DDI2: variants seen among roughly 807,000 people sequenced by gnomAD.
DDI2 encodes DDI proteasomal shuttling factor 2, also known as protein DDI1 homolog 2.
A neutral mutation model predicts 48.1 loss-of-function variants in DDI2; 5 were observed. The ratio of observed to expected loss-of-function variants is 0.10; its 90% confidence interval spans 0.05 to 0.22. DDI2 has a LOEUF of 0.22. Among genes scored for constraint, DDI2 ranks in the 10% least tolerant of loss-of-function variants. The pLI is 1.00. For missense variants in DDI2, 285 were observed against 506.2 expected, an observed-to-expected ratio of 0.56 and a Z score of 4.19; for synonymous variants, 205 against 183.6, an observed-to-expected ratio of 1.12 and a Z score of -0.94.
intron 6 of DDI2, among the ~76,000 whole-genome samples, chr1:15,647,619 A>G (rs1287222493): frequency 2.6e-5 from 4 of 152,140 alleles, no homozygotes; most frequent in Non-Finnish European, 5.9e-5. Flanking sequence ...CTGAATGAAT[A>G]TTCATCTTAG....
chr1:15,643,223 C>T (rs951028655), intron 5 of DDI2, among the ~76,000 whole-genome samples: 4 of 152,240 alleles, frequency 2.6e-5, no homozygotes, highest in African/African-American at 9.6e-5. Context: ...GCATTGCCAT[C>T]TGTAGACGCA....
At position 15,655,503 on chromosome 1, in the gene DDI2, A is replaced by G. The variant is rs568866803; in HGVS notation, c.1184-1114A>G. On this transcript the variant is annotated intron_variant, in intron 8 of 9. Coordinates refer to ENST00000480945, the MANE Select transcript of DDI2 (RefSeq NM_032341.5). ...GCAGTGACTCACGCCTGTAATCCCA[A>G]CACTTTGGGAGGCTGAGGAAGGGTG... 6.6e-5 allele frequency among the ~76,000 whole-genome samples: 10 copies of G among 151,912 alleles called. No individual in the cohort carries two copies. In the East Asian group the frequency reaches 1.9e-3, roughly 29 times the overall value.
intron 6 of DDI2, among the ~76,000 whole-genome samples, chr1:15,644,883 G>A (rs567047333): frequency 2.0e-5 from 3 of 149,660 alleles, no homozygotes; most frequent in African/African-American, 7.4e-5. Flanking sequence ...GTGAGCCACC[G>A]CTCCCGGCCT....
At chr1:15,645,105 ATC>A (rs1462238483) in intron 6 of DDI2, among the ~76,000 whole-genome samples, 3 of 151,140 alleles carry the variant, frequency 2.0e-5, no homozygotes, top group African/African-American at 7.3e-5. Flanking sequence ...GGCCAGGATG[ATC>A]TCTCTCAAAT....
At position 15,617,682 on chromosome 1, in the gene DDI2, C is replaced by T. The variant is rs1194959288; in HGVS notation, c.12C>T (p.Thr4=). The T allele has an allele frequency of 5.0e-6, 8 of 1,599,016 alleles. No individual in the cohort carries two copies. Among genetic ancestry groups the T allele is most frequent in the South Asian group, 4.5e-5 (4 of 89,302 alleles). The change falls in exon 1 of 10, where the codon ACC becomes ACT. Residue 4 remains threonine (T), a synonymous_variant. Transcript: ENST00000480945. ...GTCGGGCCCGGGCCATGCTGCTCAC[C>T]GTGTACTGTGTGCGGAGGGACCTCT... The part of the protein sequence containing the change: MLL[T]VYCVRRDLSE...
At chr1:15,642,414 T>C (rs113221555) in intron 5 of DDI2, among the ~76,000 whole-genome samples, 217 of 152,318 alleles carry the variant, frequency 1.4e-3, no homozygotes, top group South Asian at 0.01. Flanking sequence ...TAGTAGACTA[T>C]AGTGTCCCAG....
chr1:15,653,467 A>G (rs1320376294), intron 8 of DDI2, among the ~76,000 whole-genome samples: 2 of 151,962 alleles, frequency 1.3e-5, no homozygotes, highest in Non-Finnish European at 2.9e-5. Context: ...GAAAAGTATC[A>G]TTGCTACTGT....
chr1:15,640,136 T>C (rs1639985021), intron 5 of DDI2, among the ~76,000 whole-genome samples: 1 of 152,154 alleles, frequency 6.6e-6, no homozygotes, highest in African/African-American at 2.4e-5. Context: ...TGCTGAGTGC[T>C]TGGTGATAAG....
intron 6 of DDI2, among the ~76,000 whole-genome samples, chr1:15,647,779 T>C (rs1640113741): frequency 1.3e-5 from 2 of 152,130 alleles, no homozygotes; most frequent in Admixed American, 1.3e-4. Flanking sequence ...CTGGGGGCCA[T>C]AGCGAAACCA....
Position 15,661,197 on chromosome 1 carries a change from T to C in DDI2, c.*1407T>C, listed in dbSNP as rs2148308689. 6.2e-7 allele frequency: 1 copy of C among 1,614,100 alleles called. No homozygotes were observed. The highest frequency in any genetic ancestry group is 8.5e-7 in the Non-Finnish European group (1 of 1,180,016). On this transcript the variant is annotated 3_prime_UTR_variant, in exon 10 of 10. Transcript: ENST00000480945. ...ACACTGGAAGAGAAGCTGTAGAAAA[T>C]GTAAACTTCAGGAGTCTAGGTGATG...
At chr1:15,625,978 T>C (rs571171151) in intron 1 of DDI2, among the ~76,000 whole-genome samples, 40 of 152,340 alleles carry the variant, frequency 2.6e-4, no homozygotes, top group Non-Finnish European at 5.6e-4. Flanking sequence ...GGAAGGATGA[T>C]ATTTGGGACC....
chr1:15,659,829 C>T lies in DDI2; in HGVS notation c.*47-8C>T, dbSNP rs1463887341. ...TAATCTTTTTCCTTTCCCCTGTGTT[C>T]CATATAGAGAAAAGTGGTAAAGAAT... On this transcript the variant is annotated splice_polypyrimidine_tract_variant and splice_region_variant and intron_variant, in intron 9 of 9. Coordinates refer to ENST00000480945, the MANE Select transcript of DDI2 (RefSeq NM_032341.5). The T allele has an allele frequency of 6.6e-7, 1 of 1,519,442 alleles. No homozygotes were observed. Among genetic ancestry groups the T allele is most frequent in the Non-Finnish European group, 8.8e-7 (1 of 1,140,990 alleles). 94.1% of individuals were successfully genotyped at this position (1,519,442 alleles called of 1,614,324 possible).
At chr1:15,646,403 A>G (rs1640091310) in intron 6 of DDI2, among the ~76,000 whole-genome samples, 1 of 152,028 alleles carries the variant, frequency 6.6e-6, no homozygotes, top group Admixed American at 6.6e-5. Context: ...TGTATGCCTT[A>G]GGGCTGGGCA....
In DDI2 at chr1:15,661,652, A is replaced by T; in HGVS notation, c.*1862A>T. The T allele has an allele frequency of 6.2e-7, 1 of 1,614,166 alleles. No homozygotes were observed. Among genetic ancestry groups the T allele is most frequent in the Non-Finnish European group, 8.5e-7 (1 of 1,180,034 alleles). ...TTGCAGGAAGCTCTTGGAGCTTTGC[A>T]TCGAGTTGGTGGGAATGCAGACCTT... On this transcript the variant is annotated 3_prime_UTR_variant, in exon 10 of 10. Coordinates refer to ENST00000480945, the MANE Select transcript of DDI2 (RefSeq NM_032341.5).
At chr1:15,623,987 G>A (rs989610632) in intron 1 of DDI2, among the ~76,000 whole-genome samples, 3 of 152,024 alleles carry the variant, frequency 2.0e-5, no homozygotes, top group Admixed American at 6.6e-5. Context: ...CCTGGGAGGC[G>A]GAGCTTACAG....
Position 15,661,012 on chromosome 1 carries a change from T to C in DDI2, c.*1222T>C. 6.2e-7 allele frequency: 1 copy of C among 1,614,062 alleles called. No individual in the cohort carries two copies. The highest frequency in any genetic ancestry group is 1.7e-5 in the Admixed American group (1 of 59,992). On this transcript the variant is annotated 3_prime_UTR_variant, in exon 10 of 10. Transcript: ENST00000480945. Reference sequence around the variant, plus strand: ...TACATCTGAAGAAGTAATCTGTCAATCAGAAACCATAGCTGAGGGCCAAAC... The same window carrying C: ...TACATCTGAAGAAGTAATCTGTCAACCAGAAACCATAGCTGAGGGCCAAAC...
Position 15,661,738 on chromosome 1 carries a change from C to T in DDI2, c.*1948C>T, listed in dbSNP as rs190991762. The T allele has an allele frequency of 1.5e-5, 24 of 1,585,496 alleles. No homozygotes were observed. In the East Asian group the frequency reaches 2.5e-4, roughly 16 times the overall value. The stretch of plus-strand genomic sequence containing the variant: ...TCCTACATGACTGTGGGAAAGTGGG[C>T]TAGACCGTTCTCCATTCCCTTTAAA... On this transcript the variant is annotated 3_prime_UTR_variant, in exon 10 of 10. Coordinates refer to ENST00000480945, the MANE Select transcript of DDI2 (RefSeq NM_032341.5).
Position 15,635,293 on chromosome 1 carries a change from G to A in DDI2, c.632+1728G>A, listed in dbSNP as rs141106560. On this transcript the variant is annotated intron_variant, in intron 4 of 9. Transcript: ENST00000480945. ...TTAATTGACAGCCCTAAGTCATTAC[G>A]AAATTCCATCTCAAAAAAATAAATA... Among the ~76,000 whole-genome samples the A allele has an allele frequency of 1.6e-3, 242 of 151,752 alleles. 1 individual carries two copies. The highest frequency in any genetic ancestry group is 0.014 in the Middle Eastern group (4 of 292).
chr1:15,639,157 A>C (rs1326343330), intron 5 of DDI2, among the ~76,000 whole-genome samples: 1 of 152,058 alleles, frequency 6.6e-6, no homozygotes, highest in Non-Finnish European at 1.5e-5. Flanking sequence ...GTAAGGAGAC[A>C]GGGATTCTTC....
Sources: gnomAD v4.1 joint callset for allele counts (sites outside exome capture counted in the v4.1 genomes callset) on GRCh38, gnomAD v4.1.1 for gene constraint, MANE v1.5 for transcripts, NCBI Gene and HGNC (gene_info 2026-07-23, HGNC 2026-07-21) for gene names.